The following ITGBL1 variants were observed in gnomAD, a reference collection of about 807,000 sequenced individuals.
ITGBL1 encodes the protein integrin subunit beta like 1.
Under a neutral mutation model 68.5 loss-of-function variants are expected in ITGBL1, and 51 were observed. The observed-to-expected ratio is 0.74, with a 90% CI of 0.59 to 0.94. The LOEUF (loss-of-function observed/expected upper bound fraction) is 0.94. Ranked by LOEUF, ITGBL1 falls within the 40% of genes least tolerant of loss-of-function variation. The probability of loss-of-function intolerance (pLI) is 0.00; values close to 1 mark genes in which losing one functional copy is unlikely to be tolerated. For missense variants in ITGBL1, 649 were observed against 647.4 expected (o/e 1.00, Z -0.03); for synonymous variants, 209 against 227.3 (o/e 0.92, Z 0.72).
chr13:101,628,403 C>T (rs1446004965), intron 7 of ITGBL1, among the ~76,000 whole-genome samples: 1 of 150,316 alleles, frequency 6.7e-6, no homozygotes, highest in Admixed American at 6.6e-5. Flanking sequence ...TCTTTTTGTT[C>T]TCTTGATATT....
At chr13:101,564,013 A>C (rs1269779705) in intron 2 of ITGBL1, among the ~76,000 whole-genome samples, 1 of 151,938 alleles carries the variant, frequency 6.6e-6, no homozygotes, top group African/African-American at 2.4e-5. Context: ...TAAAAAATCA[A>C]CCAATGTATT....
chr13:101,648,043 C>A (rs1024338147), intron 7 of ITGBL1, among the ~76,000 whole-genome samples: 1 of 152,150 alleles, frequency 6.6e-6, no homozygotes, highest in Non-Finnish European at 1.5e-5. Flanking sequence ...AAGACTGCCA[C>A]CTCCCTGGCA....
chr13:101,699,426 C>A (rs946221714), intron 8 of ITGBL1, among the ~76,000 whole-genome samples: 3 of 152,120 alleles, frequency 2.0e-5, no homozygotes, highest in Non-Finnish European at 4.4e-5. Context: ...TCTATAATCC[C>A]CAAGTGTCGT....
intron 2 of ITGBL1, among the ~76,000 whole-genome samples, chr13:101,476,182 TAAA>T (rs909343745): frequency 2.0e-5 from 3 of 150,332 alleles, no homozygotes; most frequent in African/African-American, 7.3e-5. Flanking sequence ...AATAAAAAGT[TAAA>T]AAGTGGGTGG....
At chr13:101,599,280 GTTGT>G (rs369612347) in intron 7 of ITGBL1, among the ~76,000 whole-genome samples, 2 of 151,832 alleles carry the variant, frequency 1.3e-5, no homozygotes, top group East Asian at 1.9e-4. Context: ...TTTTGATGGG[GTTGT>G]TTGTTTTTTT....
At chr13:101,487,921 G>T (rs2048723169) in intron 2 of ITGBL1, among the ~76,000 whole-genome samples, 1 of 152,214 alleles carries the variant, frequency 6.6e-6, no homozygotes, top group Non-Finnish European at 1.5e-5. Context: ...CTAGGTTTGT[G>T]TTCAGTGTGA....
rs1191849527 is a variant in ITGBL1, at chr13:101,628,599, A to T, written c.1015+30300A>T. ...AGGCGTGCACCACCATACCCAGCTA[A>T]TTTTTTTTTTTTTTGTATTTTTAGT... On this transcript the variant is annotated intron_variant, in intron 7 of 10. Coordinates refer to ENST00000376180, the MANE Select transcript of ITGBL1 (RefSeq NM_004791.3). Among the ~76,000 whole-genome samples, 5 of 140,744 alleles carry T rather than the reference A, an allele frequency of 3.6e-5. No individual in the cohort carries two copies. The South Asian group carries it at 6.8e-4, about 19-fold the overall frequency. 92.3% of individuals were successfully genotyped at this position (140,744 alleles called of 152,430 possible). A position where few individuals can be genotyped will look rare whatever the true frequency, so the allele number is the denominator to read the frequency against.
chr13:101,604,543 C>G (rs1286830756), intron 7 of ITGBL1, among the ~76,000 whole-genome samples: 1 of 151,284 alleles, frequency 6.6e-6, no homozygotes, highest in Non-Finnish European at 1.5e-5. Flanking sequence ...AAAACGAAAA[C>G]CAAGAATTTA....
intron 2 of ITGBL1, among the ~76,000 whole-genome samples, chr13:101,546,337 A>G (rs1027111537): frequency 1.3e-5 from 2 of 152,138 alleles, no homozygotes; most frequent in African/African-American, 2.4e-5. Flanking sequence ...GTGTTAAACG[A>G]TAGGTAGGGT....
intron 2 of ITGBL1, among the ~76,000 whole-genome samples, chr13:101,512,632 T>C (rs2049133722): frequency 6.6e-6 from 1 of 152,114 alleles, no homozygotes. Flanking sequence ...ACCCTTCCCA[T>C]GGGGTGGTTG....
intron 9 of ITGBL1, among the ~76,000 whole-genome samples, chr13:101,707,704 T>G (rs924288501): frequency 6.6e-6 from 1 of 151,130 alleles, no homozygotes; most frequent in Non-Finnish European, 1.5e-5. Context: ...CACAAAAAAA[T>G]TAGCCAGGCA....
intron 7 of ITGBL1, among the ~76,000 whole-genome samples, chr13:101,620,336 AT>A (rs1473469885): frequency 6.6e-6 from 1 of 152,196 alleles, no homozygotes; most frequent in Non-Finnish European, 1.5e-5. Context: ...CACAAATTAC[AT>A]TTTTATATCA....
In ITGBL1 at chr13:101,579,529, A is replaced by G. The variant is rs773482827; in HGVS notation, c.727+102A>G. On this transcript the variant is annotated intron_variant, in intron 5 of 10. Transcript: ENST00000376180. ...ATTTCCTCTAGTGTGGGAGGAAGTT[A>G]TCTTCTAACCATTTACTTTGATGTA... 4.5e-5 allele frequency: 53 copies of G among 1,189,272 alleles called. 1 individual carries two copies. The South Asian group carries it at 7.2e-4, about 16-fold the overall frequency. 73.7% of individuals were successfully genotyped at this position (1,189,272 alleles called of 1,614,324 possible).
intron 5 of ITGBL1, among the ~76,000 whole-genome samples, chr13:101,580,002 A>C (rs1413918587): frequency 6.6e-6 from 1 of 152,214 alleles, no homozygotes; most frequent in Non-Finnish European, 1.5e-5. Context: ...ATATATTAAT[A>C]TTGCTAAACT....
chr13:101,482,836 T>C (rs1395480967), intron 2 of ITGBL1, among the ~76,000 whole-genome samples: 3 of 152,158 alleles, frequency 2.0e-5, no homozygotes, highest in African/African-American at 4.8e-5. Flanking sequence ...GTTAGGACTG[T>C]GATTTCCAAA....
At chr13:101,640,776 C>T (rs921227731) in intron 7 of ITGBL1, among the ~76,000 whole-genome samples, 1 of 152,086 alleles carries the variant, frequency 6.6e-6, no homozygotes, top group Admixed American at 6.6e-5. Flanking sequence ...TTGTCCCCCT[C>T]CCTCTCTCCC....
At chr13:101,540,435 A>G (rs2049673645) in intron 2 of ITGBL1, among the ~76,000 whole-genome samples, 1 of 152,182 alleles carries the variant, frequency 6.6e-6, no homozygotes, top group Admixed American at 6.5e-5. Flanking sequence ...TACCAGTACC[A>G]TGCTGTTTTG....
intron 2 of ITGBL1, among the ~76,000 whole-genome samples, chr13:101,560,417 G>C (rs2050080483): frequency 6.6e-6 from 1 of 151,994 alleles, no homozygotes; most frequent in African/African-American, 2.4e-5. Flanking sequence ...CTGTAGCAGT[G>C]GTACACCTAG....
intron 2 of ITGBL1, among the ~76,000 whole-genome samples, chr13:101,530,254 G>T (rs9300676): frequency 0.34 from 51,055 of 151,550 alleles, 10,096 homozygotes; most frequent in African/African-American, 0.56. Flanking sequence ...ATTATATATA[G>T]AGAGAGAGAG....
Sources: gnomAD v4.1 joint callset for allele counts (sites outside exome capture counted in the v4.1 genomes callset) on GRCh38, gnomAD v4.1.1 for gene constraint, MANE v1.5 for transcripts, NCBI Gene and HGNC (gene_info 2026-07-23, HGNC 2026-07-21) for gene names.